The following UGT1A4 variants were observed in gnomAD, a reference collection of about 807,000 sequenced individuals.
UGT1A4 encodes the protein UDP glucuronosyltransferase family 1 member A4, also known as UDP-glucuronosyltransferase 1A4.
UGT1A4 carries 32 observed loss-of-function variants against 41.1 expected under a neutral mutation model. The ratio of observed to expected loss-of-function variants is 0.78; its 90% CI spans 0.59 to 1.05. The LOEUF (loss-of-function observed/expected upper bound fraction) is 1.05, where lower values mean the gene tolerates loss of function less well. UGT1A4 is among the 50% of genes least tolerant of loss of function. The probability of loss-of-function intolerance (pLI) is 0.00; values close to 1 mark genes in which losing one functional copy is unlikely to be tolerated. For missense variants in UGT1A4, 748 were observed against 677.4 expected (o/e 1.10, Z -1.16); for synonymous variants, 283 against 265.1 (o/e 1.07, Z -0.66).
At chr2:233,756,247 A>C (rs1418468215) in intron 1 of UGT1A4, 1 of 152,214 alleles carries the variant, frequency 6.6e-6, no homozygotes, top group Non-Finnish European at 1.5e-5. Context: ...CCTTCCCCAT[A>C]CCAAAATCTA....
intron 1 of UGT1A4, chr2:233,747,600 G>T: frequency 6.3e-7 from 1 of 1,575,586 alleles, no homozygotes; most frequent in Non-Finnish European, 8.7e-7. Context: ...GTCTTGTGTG[G>T]AGCTACTGCA....
Position 233,767,146 on chromosome 2 carries a change from T to C in UGT1A4, c.980T>C (p.Leu327Ser), listed in dbSNP as rs372326047. ...EKKAMAIADA[L>S]GKIPQTVLWR... The stretch of plus-strand genomic sequence containing the variant: ...AAAGCTATGGCAATTGCTGATGCTT[T>C]GGGCAAAATCCCTCAGACAGTAAGA... Residue 327 changes from leucine (L) to serine (S), a missense_variant, in exon 2 of 5, where the codon TTG (leucine) becomes TCG (serine). Transcript: ENST00000373409. 1 of 1,614,014 alleles carries C rather than the reference T, an allele frequency of 6.2e-7. No individual in the cohort carries two copies. Among genetic ancestry groups the C allele is most frequent in the Admixed American group, 1.7e-5 (1 of 60,006 alleles).
At chr2:233,742,815 T>C (rs1692108353) in intron 1 of UGT1A4, 1 of 153,808 alleles carries the variant, frequency 6.5e-6, no homozygotes. Flanking sequence ...ATTGATATTA[T>C]TTGTAGATTT....
At chr2:233,720,401 G>T (rs2076855672) in intron 1 of UGT1A4, among the ~76,000 whole-genome samples, 1 of 152,026 alleles carries the variant, frequency 6.6e-6, no homozygotes, top group African/African-American at 2.4e-5. Flanking sequence ...ATCAAGAGTG[G>T]GTGGAAGGGA....
At chr2:233,768,171 T>C (rs761240010) in intron 3 of UGT1A4, 49 bp from the exon 4 acceptor site, 11 of 1,613,794 alleles carry the variant, frequency 6.8e-6, no homozygotes, top group South Asian at 1.1e-5. Flanking sequence ...TGTCCAGCTG[T>C]GAAACTCAGA....
chr2:233,755,236 G>C (rs1242283792), intron 1 of UGT1A4: 2 of 905,678 alleles, frequency 2.2e-6, no homozygotes, highest in Non-Finnish European at 3.3e-6. Flanking sequence ...GAGGCCTACC[G>C]GGGTACTCCC....
At chr2:233,735,700 G>A (rs940691560) in intron 1 of UGT1A4, among the ~76,000 whole-genome samples, 1 of 151,948 alleles carries the variant, frequency 6.6e-6, no homozygotes, top group African/African-American at 2.4e-5. Context: ...TGTAAGGCAG[G>A]CCTGGTGGTG....
chr2:233,769,856 T>TAAA lies in UGT1A4; in HGVS notation c.1307+1417_1307+1418insAAA. ...CTGGGCAACAGAGTGAGACCCTGTCTCAAAAAAAAAAAAAAAAATGAAAAG... is the reference window on the plus strand; with the variant it reads ...CTGGGCAACAGAGTGAGACCCTGTCTAAACAAAAAAAAAAAAAAAAATGAAAAG... On this transcript the variant is annotated intron_variant, in intron 4 of 4. Transcript: ENST00000373409. This position sits in a 1 kb window ranked among gnomAD's most constrained non-coding sequence, Gnocchi z 4.4. 1 of 322,430 alleles carries TAAA rather than the reference T, an allele frequency of 3.1e-6. No individual in the cohort carries two copies. The highest frequency in any genetic ancestry group is 5.0e-6 in the Non-Finnish European group (1 of 199,342). 20.0% of individuals were successfully genotyped at this position (322,430 alleles called of 1,614,324 possible).
At chr2:233,747,272 T>G (rs1693606850) in intron 1 of UGT1A4, 7 of 1,598,964 alleles carry the variant, frequency 4.4e-6, no homozygotes, top group Non-Finnish European at 6.0e-6. Context: ...CTACTCCTTC[T>G]CAGTGCCCAG....
At position 233,719,327 on chromosome 2, in the gene UGT1A4, T is replaced by C; in HGVS notation, c.507T>C (p.Ala169=). The change falls in exon 1 of 5, where the codon GCT becomes GCC. Residue 169 remains alanine (A), a synonymous_variant. Coordinates refer to ENST00000373409, the MANE Select transcript of UGT1A4 (RefSeq NM_007120.3). ...TGGCTAAGTACCTGTCGATTCCTGCTGTGTTTTTTTGGAGGTACATTCCAT... is the reference window on the plus strand; with the variant it reads ...TGGCTAAGTACCTGTCGATTCCTGCCGTGTTTTTTTGGAGGTACATTCCAT... ...AVLAKYLSIP[A]VFFWRYIPCD... 1 of 1,613,988 alleles carries C rather than the reference T, an allele frequency of 6.2e-7. No homozygotes were observed. The highest frequency in any genetic ancestry group is 8.5e-7 in the Non-Finnish European group (1 of 1,179,874).
intron 1 of UGT1A4, among the ~76,000 whole-genome samples, chr2:233,727,078 A>G (rs1212092454): frequency 6.6e-6 from 1 of 152,188 alleles, no homozygotes; most frequent in Non-Finnish European, 1.5e-5. Flanking sequence ...TTCTCTTACA[A>G]ACATTAAAGA....
chr2:233,761,087 C>T, intron 1 of UGT1A4: 1 of 1,614,136 alleles, frequency 6.2e-7, no homozygotes. Context: ...TACCCTAGGC[C>T]CATCATGCCC....
rs12471326 is a variant in UGT1A4 at position 233,767,812 on chromosome 2, T to C, written c.1000-37T>C. ...AGATTTGTTTTCTAATCATATTATGTTCTTTCTTTACGTTCTGCTCTTTTT... is the reference window on the plus strand; with the variant it reads ...AGATTTGTTTTCTAATCATATTATGCTCTTTCTTTACGTTCTGCTCTTTTT... On this transcript the variant is annotated intron_variant, in intron 2 of 4. Transcript: ENST00000373409. The C allele has an allele frequency of 0.03, 48,630 of 1,614,140 alleles. 974 individuals are homozygous for C. The highest frequency in any genetic ancestry group is 0.09 in the Admixed American group (5,377 of 60,016).
At chr2:233,735,509 C>T (rs185084136) in intron 1 of UGT1A4, among the ~76,000 whole-genome samples, 17 of 152,270 alleles carry the variant, frequency 1.1e-4, no homozygotes, top group Middle Eastern at 3.4e-3. Flanking sequence ...AGCCCATTTA[C>T]ATTTAAGGTA....
rs958541757 is a variant in UGT1A4 at position 233,749,447 on chromosome 2, G to A, written c.868-17587G>A. Among the ~76,000 whole-genome samples, 14 of 151,852 alleles carry A rather than the reference G, an allele frequency of 9.2e-5. 1 individual carries two copies. Among genetic ancestry groups the A allele is most frequent in the African/African-American group, 3.4e-4 (14 of 41,136 alleles). ...AAAACTTCACTGTCATCTCAGTGGAGCAGAACGAATTGGGAACTGTGGCAC... is the reference window on the plus strand; with the variant it reads ...AAAACTTCACTGTCATCTCAGTGGAACAGAACGAATTGGGAACTGTGGCAC... On this transcript the variant is annotated intron_variant, in intron 1 of 4. Transcript: ENST00000373409.
chr2:233,755,447 T>C (rs1695920432), intron 1 of UGT1A4: 1 of 310,986 alleles, frequency 3.2e-6, no homozygotes, highest in Non-Finnish European at 6.3e-6. Flanking sequence ...GCAGTGCTCC[T>C]GGGACTGGCC....
At chr2:233,768,773 AG>A (rs1386504904) in intron 4 of UGT1A4, among the ~76,000 whole-genome samples, 1 of 151,734 alleles carries the variant, frequency 6.6e-6, no homozygotes, top group Non-Finnish European at 1.5e-5. Context: ...TAGTAGAGAA[AG>A]GGTTTCACCA....
At chr2:233,724,087 T>C in intron 1 of UGT1A4, among the ~76,000 whole-genome samples, 2 of 102,630 alleles carry the variant, frequency 1.9e-5, no homozygotes, top group East Asian at 2.4e-4. Flanking sequence ...GAGGGGCTCC[T>C]CACTTCCCAG....
Position 233,729,550 on chromosome 2 carries a change from A to C in UGT1A4, c.867+9863A>C, listed in dbSNP as rs780321158. On this transcript the variant is annotated intron_variant, in intron 1 of 4. Transcript: ENST00000373409. ...TAATGAGGCCCTGATCAGGCACCTG[A>C]ATGCTACTTCCTTTGATGTGGTTTT... 8 of 1,614,098 alleles carry C rather than the reference A, an allele frequency of 5.0e-6. No homozygotes were observed. Among genetic ancestry groups the C allele is most frequent in the African/African-American group, 1.3e-5 (1 of 75,014 alleles).
Sources: allele counts gnomAD v4.1 joint callset (sites outside exome capture counted in the v4.1 genomes callset), GRCh38; gene constraint gnomAD v4.1.1; non-coding constraint Gnocchi (gnomAD v3.1); transcripts MANE v1.5; gene names NCBI Gene and HGNC (gene_info 2026-07-23, HGNC 2026-07-21).